The following UGGT2 variants were observed in gnomAD, a reference collection of about 807,000 sequenced individuals.
The protein encoded by UGGT2 is UDP-glucose glycoprotein glucosyltransferase 2.
Under a neutral mutation model 192.1 loss-of-function variants are expected in UGGT2, and 180 were observed. The observed-to-expected ratio is 0.94, with a 90% CI of 0.83 to 1.06. The LOEUF is 1.06. Among genes scored for constraint, UGGT2 ranks in the 50% least tolerant of loss-of-function variants. The pLI is 0.00. For missense variants in UGGT2, 1,849 were observed against 1,795.7 expected, an observed-to-expected ratio of 1.03 and a Z score of -0.54; for synonymous variants, 580 against 591.0, an observed-to-expected ratio of 0.98 and a Z score of 0.27.
intron 5 of UGGT2, among the ~76,000 whole-genome samples, chr13:96,006,191 G>A (rs145169914): frequency 6.6e-6 from 1 of 152,298 alleles, no homozygotes; most frequent in East Asian, 1.9e-4. Context: ...TAGAACATAT[G>A]AGTGATCAGA....
chr13:95,820,693 G>A (rs572086988), intron 38 of UGGT2, among the ~76,000 whole-genome samples: 7 of 151,866 alleles, frequency 4.6e-5, no homozygotes, highest in South Asian at 2.1e-4. Context: ...AGATTTTAGT[G>A]TACCCGTCAC....
intron 36 of UGGT2, among the ~76,000 whole-genome samples, chr13:95,843,200 T>C (rs1344841235): frequency 6.6e-6 from 1 of 152,200 alleles, no homozygotes; most frequent in Non-Finnish European, 1.5e-5. Context: ...CCAAACTGAT[T>C]TTCAAAAGGG....
At chr13:95,991,346 G>GT (rs2051452417) in intron 7 of UGGT2, 1 of 384,000 alleles carries the variant, frequency 2.6e-6, no homozygotes. Flanking sequence ...CACCAACAGT[G>GT]TAAAAGCCTT....
rs549276773 is a variant in UGGT2, at chr13:95,996,453, G to A, written c.758-318C>T. ...GGAGGTTGCAGTGGACTGAGATCGT[G>A]CCACTGCACTCCAGCCTGGGTGACA... On this transcript the variant is annotated intron_variant, in intron 6 of 38. Coordinates refer to ENST00000376747, the MANE Select transcript of UGGT2 (RefSeq NM_020121.4). Among the ~76,000 whole-genome samples, 153 of 150,974 alleles carry A rather than the reference G, an allele frequency of 1.0e-3. 1 individual carries two copies. Among genetic ancestry groups the A allele is most frequent in the African/African-American group, 3.4e-3 (140 of 41,082 alleles).
chr13:96,021,031 G>A (rs1490534431), intron 4 of UGGT2, among the ~76,000 whole-genome samples: 1 of 152,192 alleles, frequency 6.6e-6, no homozygotes, highest in African/African-American at 2.4e-5. Context: ...ATCCTACAGA[G>A]TTGGCATATG....
intron 27 of UGGT2, among the ~76,000 whole-genome samples, chr13:95,878,150 A>G (rs144126038): frequency 6.6e-6 from 1 of 152,094 alleles, no homozygotes; most frequent in East Asian, 2.0e-4. Flanking sequence ...GAAATTCCTT[A>G]AAGAATCTGC....
chr13:95,965,570 C>T (rs889140239), intron 12 of UGGT2, among the ~76,000 whole-genome samples: 9 of 127,154 alleles, frequency 7.1e-5, no homozygotes, highest in Non-Finnish European at 1.1e-4. Context: ...GGAAGGGGAA[C>T]ATCACACTCT....
At chr13:95,845,778 G>C (rs1368162168) in intron 36 of UGGT2, among the ~76,000 whole-genome samples, 2 of 151,466 alleles carry the variant, frequency 1.3e-5, no homozygotes, top group East Asian at 2.0e-4. Context: ...GTTCCCAGAC[G>C]GGGTCGCGGC....
chr13:95,943,955 TTA>T (rs1310791559), intron 15 of UGGT2, among the ~76,000 whole-genome samples: 5 of 152,054 alleles, frequency 3.3e-5, no homozygotes, highest in African/African-American at 1.2e-4. Context: ...TTTTGTTTCT[TTA>T]TGAGTTTTTT....
chr13:96,034,079 A>AC (rs1220619517), intron 1 of UGGT2, among the ~76,000 whole-genome samples: 1 of 151,512 alleles, frequency 6.6e-6, no homozygotes, highest in African/African-American at 2.4e-5. Flanking sequence ...GCACACACTT[A>AC]CCCCCCTCTG....
chr13:95,828,418 C>T (rs878998912), intron 38 of UGGT2, among the ~76,000 whole-genome samples: 1 of 151,914 alleles, frequency 6.6e-6, no homozygotes, highest in Non-Finnish European at 1.5e-5. Context: ...ATTGACAGAC[C>T]GCTAGCAAGG....
intron 1 of UGGT2, among the ~76,000 whole-genome samples, chr13:96,037,756 T>C (rs73545120): frequency 0.016 from 2,480 of 152,306 alleles, 70 homozygotes; most frequent in African/African-American, 0.057. Context: ...CTTCAACCTA[T>C]TCAATGCTCT....
intron 29 of UGGT2, among the ~76,000 whole-genome samples, chr13:95,872,504 A>T (rs78295517): frequency 2.0e-5 from 3 of 152,212 alleles, no homozygotes; most frequent in Non-Finnish European, 2.9e-5. Flanking sequence ...AGGATAAACA[A>T]TATCAGTTTT....
intron 11 of UGGT2, among the ~76,000 whole-genome samples, chr13:95,970,849 C>A (rs373168565): frequency 6.6e-6 from 1 of 152,132 alleles, no homozygotes; most frequent in African/African-American, 2.4e-5. Flanking sequence ...GTGGCTGAGG[C>A]GACTATTCAG....
chr13:95,982,530 C>T (rs776549180), intron 10 of UGGT2, among the ~76,000 whole-genome samples: 2 of 152,152 alleles, frequency 1.3e-5, no homozygotes, highest in Non-Finnish European at 2.9e-5. Flanking sequence ...ATCATACCTG[C>T]TCCAACCAAT....
chr13:95,985,568 A>G (rs747846353), intron 9 of UGGT2, among the ~76,000 whole-genome samples: 14 of 152,112 alleles, frequency 9.2e-5, no homozygotes, highest in Non-Finnish European at 1.3e-4. Flanking sequence ...CTGCTCTCCA[A>G]TTCCTCTCAG....
At chr13:95,854,213 T>C (rs1348053743) in intron 35 of UGGT2, 102 bp downstream of exon 35, 2 of 1,333,616 alleles carry the variant, frequency 1.5e-6, no homozygotes, top group East Asian at 2.4e-5. Flanking sequence ...GTTGCTTTTA[T>C]TGTGTAATTT....
chr13:95,902,723 T>G (rs927297581), intron 21 of UGGT2, 131 bp downstream of exon 21: 1 of 888,234 alleles, frequency 1.1e-6, no homozygotes, highest in Non-Finnish European at 1.7e-6. Flanking sequence ...CTTTTCCCAT[T>G]TGAAAAGGAA....
intron 11 of UGGT2, among the ~76,000 whole-genome samples, chr13:95,971,550 A>AAAATATTCCTGCCC (rs2050773489): frequency 6.6e-6 from 1 of 152,170 alleles, no homozygotes; most frequent in African/African-American, 2.4e-5. Context: ...TATTCCTGCC[A>AAAATATTCCTGCCC]TAAAAATTTC....
Sources: gnomAD v4.1 joint callset for allele counts (sites outside exome capture counted in the v4.1 genomes callset) on GRCh38, gnomAD v4.1.1 for gene constraint, MANE v1.5 for transcripts, NCBI Gene and HGNC (gene_info 2026-07-23, HGNC 2026-07-21) for gene names.